The following NCALD variants were observed in gnomAD, a reference collection of about 807,000 sequenced individuals.
The protein encoded by NCALD is neurocalcin delta, also known as neurocalcin-delta.
A neutral mutation model predicts 18.6 loss-of-function variants in NCALD; 10 were observed. The ratio of observed to expected loss-of-function variants is 0.54; its 90% CI spans 0.33 to 0.91. NCALD has a LOEUF of 0.91. Among genes scored for constraint, NCALD ranks in the 40% least tolerant of loss-of-function variants. The pLI is 0.03. For synonymous variants in NCALD, 88 were observed against 87.4 expected (o/e 1.01, Z -0.04); for missense variants, 184 against 247.6 (o/e 0.74, Z 1.72).
intron 1 of NCALD, among the ~76,000 whole-genome samples, chr8:102,024,524 A>G (rs559089623): frequency 6.6e-6 from 1 of 152,290 alleles, no homozygotes; most frequent in African/African-American, 2.4e-5. Context: ...AACACCATCG[A>G]TTGTCCAAAA....
chr8:101,700,425 C>A (rs890180052), intron 2 of NCALD, among the ~76,000 whole-genome samples: 3 of 152,106 alleles, frequency 2.0e-5, no homozygotes, highest in Non-Finnish European at 4.4e-5. Flanking sequence ...GCACAAAAAG[C>A]ACCTTATTTT....
intron 2 of NCALD, among the ~76,000 whole-genome samples, chr8:102,002,880 G>T (rs1039522129): frequency 1.8e-4 from 27 of 152,100 alleles, no homozygotes; most frequent in Non-Finnish European, 3.2e-4. Flanking sequence ...TCAAAGCAGT[G>T]TGTAGAGGGA....
At chr8:101,741,569 G>A (rs1810184001) in intron 1 of NCALD, among the ~76,000 whole-genome samples, 1 of 151,580 alleles carries the variant, frequency 6.6e-6, no homozygotes, top group South Asian at 2.1e-4. Context: ...TTTCAAACAT[G>A]CTTACTCCTA....
chr8:101,715,955 A>G (rs1305898796), intron 2 of NCALD, among the ~76,000 whole-genome samples: 1 of 152,222 alleles, frequency 6.6e-6, no homozygotes, highest in Non-Finnish European at 1.5e-5. Flanking sequence ...TGACCCAGCA[A>G]TCCCATTACT....
intron 1 of NCALD, among the ~76,000 whole-genome samples, chr8:101,770,331 C>T (rs1310335454): frequency 6.6e-6 from 1 of 152,158 alleles, no homozygotes; most frequent in Non-Finnish European, 1.5e-5. Flanking sequence ...GCTTGACATA[C>T]TAGACTAACC....
At chr8:101,705,568 T>C (rs951516236) in intron 2 of NCALD, among the ~76,000 whole-genome samples, 7 of 152,118 alleles carry the variant, frequency 4.6e-5, no homozygotes, top group African/African-American at 1.7e-4. Flanking sequence ...TGGTGAGCCA[T>C]AGAGACCTCT....
intron 2 of NCALD, among the ~76,000 whole-genome samples, chr8:102,019,487 T>C (rs1822200427): frequency 6.6e-6 from 1 of 152,112 alleles, no homozygotes; most frequent in African/African-American, 2.4e-5. Flanking sequence ...CAAGAAGAAA[T>C]AGAAAACCTA....
intron 4 of NCALD, among the ~76,000 whole-genome samples, chr8:101,837,789 G>T (rs1298158009): frequency 2.0e-5 from 3 of 152,162 alleles, no homozygotes; most frequent in Non-Finnish European, 4.4e-5. Context: ...CCTAGTCAAG[G>T]TTATGATGGT....
At chr8:101,817,254 C>T (rs1040029195) in intron 4 of NCALD, among the ~76,000 whole-genome samples, 3 of 152,110 alleles carry the variant, frequency 2.0e-5, no homozygotes, top group Non-Finnish European at 4.4e-5. Context: ...TCTCCTCCTA[C>T]TTGGTGGAGC....
intron 2 of NCALD, among the ~76,000 whole-genome samples, chr8:101,965,222 T>C (rs1032415400): frequency 6.6e-6 from 1 of 152,172 alleles, no homozygotes; most frequent in African/African-American, 2.4e-5. Context: ...CTCAAGGATC[T>C]AGAACTAGAA....
intron 1 of NCALD, among the ~76,000 whole-genome samples, chr8:102,085,403 T>G (rs1824704608): frequency 6.6e-6 from 1 of 152,196 alleles, no homozygotes; most frequent in Non-Finnish European, 1.5e-5. Flanking sequence ...CCTAGCATGA[T>G]GATGGAAGAG....
intron 1 of NCALD, among the ~76,000 whole-genome samples, chr8:101,748,900 G>T (rs551890362): frequency 6.6e-6 from 1 of 152,324 alleles, no homozygotes; most frequent in South Asian, 2.1e-4. Flanking sequence ...CTCTCTCAAG[G>T]CCAGGGGGTG....
intron 4 of NCALD, among the ~76,000 whole-genome samples, chr8:101,862,897 T>C (rs1815603564): frequency 6.6e-6 from 1 of 152,208 alleles, no homozygotes; most frequent in African/African-American, 2.4e-5. Context: ...GTCTTCCAAG[T>C]ACTCTGCTAC....
intron 1 of NCALD, among the ~76,000 whole-genome samples, chr8:101,788,171 C>G (rs759448426): frequency 6.6e-6 from 1 of 152,124 alleles, no homozygotes; most frequent in Admixed American, 6.6e-5. Context: ...GCGGTGGAAC[C>G]GAATGTGGAA....
chr8:101,742,601 C>T (rs1051942119), intron 1 of NCALD, among the ~76,000 whole-genome samples: 6 of 152,046 alleles, frequency 3.9e-5, no homozygotes, highest in South Asian at 2.1e-4. Context: ...ATTTTTGTTT[C>T]GTAGCAAAAA....
At chr8:102,100,270 A>G (rs764923806) in intron 1 of NCALD, among the ~76,000 whole-genome samples, 4 of 152,212 alleles carry the variant, frequency 2.6e-5, no homozygotes, top group Non-Finnish European at 5.9e-5. Context: ...TTCTTCCTCA[A>G]ATAGGAGCTT....
At chr8:101,715,003 C>CAAAAAAAAAAAAAAAAAA (rs1297532566) in intron 2 of NCALD, among the ~76,000 whole-genome samples, 18 of 103,200 alleles carry the variant, frequency 1.7e-4, no homozygotes, top group African/African-American at 5.5e-4. Context: ...GACTCCGTCT[C>CAAAAAAAAAAAAAAAAAA]AAAAAAAAAA....
chr8:101,963,797 C>G (rs1386346605), intron 2 of NCALD, among the ~76,000 whole-genome samples: 1 of 152,098 alleles, frequency 6.6e-6, no homozygotes, highest in African/African-American at 2.4e-5. Context: ...GCCCTGCAAT[C>G]TCAGGAAGAG....
chr8:101,898,158 T>C (rs1586719442), intron 3 of NCALD, among the ~76,000 whole-genome samples: 1 of 152,210 alleles, frequency 6.6e-6, no homozygotes, highest in South Asian at 2.1e-4. Context: ...AATTGCCCAG[T>C]CTCAGGTATG....
Sources: gnomAD v4.1 joint callset for allele counts (sites outside exome capture counted in the v4.1 genomes callset) on GRCh38, gnomAD v4.1.1 for gene constraint, MANE v1.5 for transcripts, NCBI Gene and HGNC (gene_info 2026-07-23, HGNC 2026-07-21) for gene names.